The following HDAC3 variants were observed in gnomAD, a reference collection of about 807,000 sequenced individuals.
HDAC3 encodes the protein histone deacetylase 3, also known as SMAP45.
In HDAC3, 21 loss-of-function variants were observed where a neutral mutation model predicts 62.3. The observed-to-expected ratio is 0.34, with a 90% CI of 0.24 to 0.49. The LOEUF (loss-of-function observed/expected upper bound fraction) is 0.49. Among genes scored for constraint, HDAC3 ranks in the 20% least tolerant of loss-of-function variants. The pLI is 0.99. For synonymous variants in HDAC3, 198 were observed against 206.5 expected (o/e 0.96, Z 0.35); for missense variants, 270 against 556.9 (o/e 0.48, Z 5.19).
chr5:141,628,310 C>G lies in HDAC3; in HGVS notation c.692-123G>C, dbSNP rs759769828. 5 of 846,066 alleles carry G rather than the reference C, an allele frequency of 5.9e-6. No homozygotes were observed. The highest frequency in any genetic ancestry group is 9.7e-6 in the Non-Finnish European group (5 of 515,698). 52.4% of individuals were successfully genotyped at this position (846,066 alleles called of 1,614,324 possible). A position where few individuals can be genotyped will look rare whatever the true frequency, so the allele number is the denominator to read the frequency against. ...AAGGGGCCACCCAAAAGAATCAAAT[C>G]ACTGGTCTGAAACTTCTGGAAGGGA... On this transcript the variant is annotated intron_variant, in intron 8 of 14. Coordinates refer to ENST00000305264, the MANE Select transcript of HDAC3 (RefSeq NM_003883.4). This position sits in a 1 kb window ranked among gnomAD's most constrained non-coding sequence, Gnocchi z 4.7.
intron 3 of HDAC3, among the ~76,000 whole-genome samples, chr5:141,631,673 G>A (rs1406903594): frequency 2.0e-5 from 3 of 152,170 alleles, no homozygotes; most frequent in Non-Finnish European, 2.9e-5. Flanking sequence ...TACAAGCACC[G>A]ATTCTGGAGC....
At chr5:141,622,758 AG>A (rs1384656128) in intron 14 of HDAC3, among the ~76,000 whole-genome samples, 4 of 152,186 alleles carry the variant, frequency 2.6e-5, no homozygotes, top group Admixed American at 2.6e-4. Flanking sequence ...AAAGGTGTGG[AG>A]TCAGAGAATC....
In HDAC3 at chr5:141,636,806, A is replaced by T. The variant is rs1045629269; in HGVS notation, c.-16T>A. 1.3e-6 allele frequency: 2 copies of T among 1,587,316 alleles called. No individual in the cohort carries two copies. The highest frequency in any genetic ancestry group is 1.7e-6 in the Non-Finnish European group (2 of 1,166,528). Reference sequence around the variant, plus strand: ...TCTTGGCCATGGTGCCGGCGGGAGCAGGCCCCGCACCTCCGCCGCCCGCCG... The same window carrying T: ...TCTTGGCCATGGTGCCGGCGGGAGCTGGCCCCGCACCTCCGCCGCCCGCCG... On this transcript the variant is annotated 5_prime_UTR_variant, in exon 1 of 15. Coordinates refer to ENST00000305264, the MANE Select transcript of HDAC3 (RefSeq NM_003883.4).
rs199663034 is a variant in HDAC3 at position 141,636,716 on chromosome 5, G to A, written c.55+20C>T. The stretch of plus-strand genomic sequence containing the variant: ...AAACCTCCGTGTCCCAACCCCTCAT[G>A]CATATCCCTGTTTCCTCACCGTAGT... On this transcript the variant is annotated intron_variant, in intron 1 of 14. Coordinates refer to ENST00000305264, the MANE Select transcript of HDAC3 (RefSeq NM_003883.4). 133 of 1,613,538 alleles carry A rather than the reference G, an allele frequency of 8.2e-5. No homozygotes were observed. Among genetic ancestry groups the A allele is most frequent in the Admixed American group, 2.7e-4 (16 of 60,000 alleles).
At chr5:141,622,739 C>T (rs1355730927) in intron 14 of HDAC3, among the ~76,000 whole-genome samples, 1 of 152,212 alleles carries the variant, frequency 6.6e-6, no homozygotes, top group Non-Finnish European at 1.5e-5. Flanking sequence ...CTTCTAAGTG[C>T]ACAGGGTTAA....
chr5:141,626,267 C>T lies in HDAC3; in HGVS notation c.847G>A (p.Val283Ile). The T allele has an allele frequency of 6.2e-7, 1 of 1,614,050 alleles. No individual in the cohort carries two copies. The change falls in exon 11 of 15, where the codon GTC becomes ATC. Residue 283 changes from valine to isoleucine, a missense_variant. Val to Ile is a conservative substitution (Grantham distance 29). Transcript: ENST00000305264. The surrounding 1 kb of genome is among the most constrained non-coding windows in gnomAD (Gnocchi z 4.6). ...AGTAGAGGGATATTGAAGCTCTTGA[C>T]ATATTCAACGCATTCCCTGTTAAAA... ...IRGHGECVEY[V>I]KSFNIPLLVL... is the part of the protein sequence containing the mutation.
chr5:141,635,179 T>C (rs2099905776), intron 2 of HDAC3: 3 of 464,166 alleles, frequency 6.5e-6, no homozygotes, highest in Non-Finnish European at 1.2e-5. Flanking sequence ...GCTCAGCCTA[T>C]CGTACCTTCT....
rs1333543482 is a variant in HDAC3 at position 141,628,177 on chromosome 5, G to A, written c.702C>T (p.His234=). ...CCTGGTTGATAACCGGCTGGAAAAG[G>A]TGCTTGTAACCTGGGAGAGGGCCAA... The part of the protein sequence containing the change: ...RDGIDDQSYK[H]LFQPVINQVV... Residue 234 remains histidine (H), a synonymous_variant, in exon 9 of 15, where the codon CAC becomes CAT. Transcript: ENST00000305264. This position sits in a 1 kb window ranked among gnomAD's most constrained non-coding sequence, Gnocchi z 4.7. 1 of 1,614,142 alleles carries A rather than the reference G, an allele frequency of 6.2e-7. No individual in the cohort carries two copies. The highest frequency in any genetic ancestry group is 8.5e-7 in the Non-Finnish European group (1 of 1,180,014).
chr5:141,621,027 GC>G lies in HDAC3; in HGVS notation c.*440del. 5.0e-6 allele frequency: 1 copy of G among 201,148 alleles called. No individual in the cohort carries two copies. Among genetic ancestry groups the G allele is most frequent in the South Asian group, 7.7e-5 (1 of 12,914 alleles). The allele number at this position is 201,148 out of a possible 1,614,324, so 12.5% of individuals were successfully genotyped here. A position where few individuals can be genotyped will look rare whatever the true frequency, so the allele number is the denominator to read the frequency against. ...GGGATTCAGGTGTTAGGGAGCCAGA[GC>G]CCCTTCCAAATCTCTCTCTCTTCAT... is the stretch of plus-strand genomic sequence containing the variant. On this transcript the variant is annotated 3_prime_UTR_variant, in exon 15 of 15. Transcript: ENST00000305264.
rs771701462 is a variant in HDAC3, at chr5:141,630,131, G to A, written c.282-6C>T. ...AGAGCCCGGGAAACACTGGGCTGCA[G>A]GGAAGAGGAACAAGTTGGAACCCTC... On this transcript the variant is annotated splice_polypyrimidine_tract_variant and splice_region_variant and intron_variant, in intron 3 of 14. Transcript: ENST00000305264. The A allele has an allele frequency of 1.5e-5, 24 of 1,613,492 alleles. No homozygotes were observed. Among genetic ancestry groups the A allele is most frequent in the Non-Finnish European group, 2.0e-5 (24 of 1,179,954 alleles).
At position 141,636,840 on chromosome 5, in the gene HDAC3, C is replaced by CCGCG. The variant is rs755308006; in HGVS notation, c.-51_-50insCGCG. ...ACCTCCGCCGCCCGCCGCCCGCGGC[C>CCGCG]GCCGCCAGCCCCTCCCCGGCCGTGC... is the stretch of plus-strand genomic sequence containing the variant. On this transcript the variant is annotated 5_prime_UTR_variant, in exon 1 of 15. Transcript: ENST00000305264. The CCGCG allele has an allele frequency of 7.2e-7, 1 of 1,394,132 alleles. No homozygotes were observed. The highest frequency in any genetic ancestry group is 9.3e-7 in the Non-Finnish European group (1 of 1,071,296). The allele number at this position is 1,394,132 out of a possible 1,614,324, so 86.4% of individuals were successfully genotyped here.
At chr5:141,631,910 ATATTAT>A (rs146879536) in intron 3 of HDAC3, among the ~76,000 whole-genome samples, 1 of 152,020 alleles carries the variant, frequency 6.6e-6, no homozygotes, top group African/African-American at 2.4e-5. Context: ...CAGTCAATTA[ATATTAT>A]TATTTAGAAA....
intron 3 of HDAC3, among the ~76,000 whole-genome samples, chr5:141,634,058 TC>T (rs1438667576): frequency 6.6e-6 from 1 of 152,156 alleles, no homozygotes; most frequent in East Asian, 1.9e-4. Flanking sequence ...TCCACTCTCT[TC>T]CCCAGAGGGT....
chr5:141,621,311 T>C lies in HDAC3; in HGVS notation c.*157A>G, dbSNP rs1335972634. 5 of 667,774 alleles carry C rather than the reference T, an allele frequency of 7.5e-6. No homozygotes were observed. The highest frequency in any genetic ancestry group is 1.8e-5 in the African/African-American group (1 of 54,518). The allele number at this position is 667,774 out of a possible 1,614,324, so 41.4% of individuals were successfully genotyped here. A position where few individuals can be genotyped will look rare whatever the true frequency, so the allele number is the denominator to read the frequency against. On this transcript the variant is annotated 3_prime_UTR_variant, in exon 15 of 15. Coordinates refer to ENST00000305264, the MANE Select transcript of HDAC3 (RefSeq NM_003883.4). The stretch of plus-strand genomic sequence containing the variant: ...CCTTGGGAGAGAGAGGAAAAGCAGG[T>C]AGATGGTTCGAGAACCAAATGTGGT...
At chr5:141,632,458 A>C (rs1217220229) in intron 3 of HDAC3, among the ~76,000 whole-genome samples, 1 of 152,226 alleles carries the variant, frequency 6.6e-6, no homozygotes, top group Non-Finnish European at 1.5e-5. Context: ...AAATACAGAT[A>C]AGCACAACTG....
intron 14 of HDAC3, among the ~76,000 whole-genome samples, chr5:141,623,410 G>A (rs186997838): frequency 6.9e-4 from 105 of 152,304 alleles, no homozygotes; most frequent in Middle Eastern, 3.4e-3. Context: ...GGAACAGGAA[G>A]AGGCCTGAGG....
chr5:141,635,188 C>G (rs2099905778), intron 2 of HDAC3: 1 of 447,336 alleles, frequency 2.2e-6, no homozygotes, highest in Non-Finnish European at 4.0e-6. Flanking sequence ...ATCGTACCTT[C>G]TCAACTTTGA....
chr5:141,626,398 C>T lies in HDAC3; in HGVS notation c.831-115G>A. 1 of 751,238 alleles carries T rather than the reference C, an allele frequency of 1.3e-6. No homozygotes were observed. Among genetic ancestry groups the T allele is most frequent in the Non-Finnish European group, 2.3e-6 (1 of 436,926 alleles). 46.5% of individuals were successfully genotyped at this position (751,238 alleles called of 1,614,324 possible). ...AACTATAAATGTTCTAAATCTTTAT[C>T]TTGATAGTGAAATTCATTATGTTAT... On this transcript the variant is annotated intron_variant, in intron 10 of 14. Coordinates refer to ENST00000305264, the MANE Select transcript of HDAC3 (RefSeq NM_003883.4). The surrounding 1 kb of genome is among the most constrained non-coding windows in gnomAD (Gnocchi z 4.6).
intron 9 of HDAC3, 38 bp from the exon 10 acceptor site, chr5:141,627,995 G>T: frequency 6.2e-7 from 1 of 1,609,300 alleles, no homozygotes; most frequent in South Asian, 1.1e-5. Flanking sequence ...GCAGTGATCA[G>T]AACTGATCAG....
Sources: gnomAD v4.1 joint callset for allele counts (sites outside exome capture counted in the v4.1 genomes callset) on GRCh38, gnomAD v4.1.1 for gene constraint, Gnocchi (gnomAD v3.1) non-coding constraint, MANE v1.5 for transcripts, NCBI Gene and HGNC (gene_info 2026-07-23, HGNC 2026-07-21) for gene names.